Variants in HYCC2 observed in about 807,000 individuals in gnomAD.
The protein encoded by HYCC2 is hyccin 2.
chr2:201,036,465 C>T, the HYCC2 span, among the ~76,000 whole-genome samples: 1 of 152,144 alleles, frequency 6.6e-6, no homozygotes, highest in Non-Finnish European at 1.5e-5. Context: ...GACCAATATC[C>T]CTGATGTGAA....
the HYCC2 span, among the ~76,000 whole-genome samples, chr2:201,025,665 C>G: frequency 6.6e-6 from 1 of 152,072 alleles, no homozygotes; most frequent in African/African-American, 2.4e-5. Context: ...AGAAAAAGCA[C>G]AGAAAGTTAC....
At chr2:201,020,934 A>G in the HYCC2 span, among the ~76,000 whole-genome samples, 1 of 151,852 alleles carries the variant, frequency 6.6e-6, no homozygotes, top group South Asian at 2.1e-4. Flanking sequence ...CACCCAGCTA[A>G]TTTTTGGTAT....
At chr2:201,052,910 C>G in the HYCC2 span, among the ~76,000 whole-genome samples, 1 of 152,154 alleles carries the variant, frequency 6.6e-6, no homozygotes, top group Non-Finnish European at 1.5e-5. Flanking sequence ...GATCAGCACA[C>G]TGTGTGTGTG....
At chr2:200,999,794 T>C in the HYCC2 span, among the ~76,000 whole-genome samples, 1 of 149,964 alleles carries the variant, frequency 6.7e-6, no homozygotes, top group Admixed American at 6.7e-5. Flanking sequence ...CTGGGCGCAG[T>C]GGCTCACATC....
the HYCC2 span, chr2:200,992,738 G>A: frequency 3.3e-6 from 2 of 605,508 alleles, no homozygotes; most frequent in South Asian, 4.6e-5. Flanking sequence ...TTATTTAAAA[G>A]TACTAAAAGG....
chr2:201,018,210 C>T, the HYCC2 span, among the ~76,000 whole-genome samples: 6 of 152,134 alleles, frequency 3.9e-5, no homozygotes, highest in Non-Finnish European at 7.4e-5. Context: ...AACTTTCCCA[C>T]TTTTCCCTAA....
chr2:200,985,640 G>A, the HYCC2 span, among the ~76,000 whole-genome samples: 1 of 152,040 alleles, frequency 6.6e-6, no homozygotes, highest in Non-Finnish European at 1.5e-5. Flanking sequence ...TTGCCTGGGC[G>A]ACGTGAGTGA....
the HYCC2 span, chr2:200,979,865 AC>A: frequency 2.2e-4 from 33 of 152,754 alleles, no homozygotes; most frequent in Non-Finnish European, 3.1e-4. Flanking sequence ...AATTTTTTTT[AC>A]CAATAATGTT....
At chr2:201,057,643 G>C in the HYCC2 span, among the ~76,000 whole-genome samples, 1 of 152,072 alleles carries the variant, frequency 6.6e-6, no homozygotes, top group Non-Finnish European at 1.5e-5. Flanking sequence ...AAATGGCTGA[G>C]ACACCCATGG....
chr2:201,068,071 C>T, the HYCC2 span, among the ~76,000 whole-genome samples: 61 of 152,100 alleles, frequency 4.0e-4, no homozygotes, highest in Non-Finnish European at 2.8e-4. Flanking sequence ...GATCACCTGA[C>T]GTCCGGAGTT....
At chr2:200,990,607 C>G in the HYCC2 span, among the ~76,000 whole-genome samples, 4 of 151,382 alleles carry the variant, frequency 2.6e-5, no homozygotes, top group East Asian at 1.9e-4. Context: ...GGGTCTCACT[C>G]TGTTGCCCAG....
At chr2:201,036,058 G>A in the HYCC2 span, among the ~76,000 whole-genome samples, 149 of 152,092 alleles carry the variant, frequency 9.8e-4, 1 homozygote, top group Non-Finnish European at 1.7e-3. Context: ...TGATAAAGGG[G>A]ATATCACCAC....
the HYCC2 span, among the ~76,000 whole-genome samples, chr2:201,050,396 A>G: frequency 3.7e-4 from 56 of 152,162 alleles, no homozygotes; most frequent in Non-Finnish European, 6.5e-4. Flanking sequence ...GAAAATCTCA[A>G]GTAAAGATGG....
the HYCC2 span, among the ~76,000 whole-genome samples, chr2:201,028,546 C>T: frequency 6.6e-6 from 1 of 152,296 alleles, no homozygotes; most frequent in South Asian, 2.1e-4. Flanking sequence ...AGGCATCACA[C>T]TACCTGACTT....
At chr2:201,029,084 T>A in the HYCC2 span, among the ~76,000 whole-genome samples, 1 of 152,098 alleles carries the variant, frequency 6.6e-6, no homozygotes, top group Non-Finnish European at 1.5e-5. Flanking sequence ...ATCCAGAATC[T>A]ACAAAGAACT....
chr2:201,025,114 AAAAT>A, the HYCC2 span, among the ~76,000 whole-genome samples: 1 of 152,090 alleles, frequency 6.6e-6, no homozygotes, highest in African/African-American at 2.4e-5. Context: ...CTCTGTCTCA[AAAAT>A]AAATAAATAA....
At chr2:200,984,778 G>C in the HYCC2 span, among the ~76,000 whole-genome samples, 17 of 152,160 alleles carry the variant, frequency 1.1e-4, no homozygotes, top group African/African-American at 3.4e-4. Context: ...CAGCTACTCA[G>C]GAGGCAATGG....
the HYCC2 span, among the ~76,000 whole-genome samples, chr2:201,003,261 C>T: frequency 6.6e-6 from 1 of 152,132 alleles, no homozygotes; most frequent in African/African-American, 2.4e-5. Context: ...CTATACTGTC[C>T]AGGCTGTTCT....
the HYCC2 span, among the ~76,000 whole-genome samples, chr2:201,039,322 T>TTGA: frequency 1.3e-5 from 2 of 152,250 alleles, no homozygotes; most frequent in African/African-American, 4.8e-5. Context: ...CAATCATCTG[T>TTGA]TGATTTTGAG....
Sources: gnomAD v4.1 joint callset for allele counts (sites outside exome capture counted in the v4.1 genomes callset) on GRCh38, gnomAD v4.1.1 for gene constraint, MANE v1.5 for transcripts, NCBI Gene and HGNC (gene_info 2026-07-23, HGNC 2026-07-21) for gene names.